Variants in PDE1A observed in about 807,000 individuals in gnomAD.
PDE1A encodes dual specificity calcium/calmodulin-dependent 3',5'-cyclic nucleotide phosphodiesterase 1A.
In PDE1A, 35 loss-of-function variants were observed where a neutral mutation model predicts 61.7. That is an observed-to-expected ratio of 0.57 (90% CI 0.43 to 0.75). PDE1A has a LOEUF of 0.75. Among genes scored for constraint, PDE1A ranks in the 30% least tolerant of loss-of-function variants. PDE1A has a pLI of 0.00. For missense variants in PDE1A, 597 were observed against 630.6 expected (o/e 0.95, Z 0.57); for synonymous variants, 232 against 213.2 (o/e 1.09, Z -0.77).
At chr2:182,372,785 G>C (rs1700187135) in intron 1 of PDE1A, among the ~76,000 whole-genome samples, 1 of 152,190 alleles carries the variant, frequency 6.6e-6, no homozygotes, top group South Asian at 2.1e-4. Context: ...GAGTGAGGCA[G>C]ACCAACGGTT....
chr2:182,174,937 C>T (rs563675895), intron 13 of PDE1A, among the ~76,000 whole-genome samples: 1 of 152,086 alleles, frequency 6.6e-6, no homozygotes, highest in Admixed American at 6.6e-5. Flanking sequence ...ATGTTCCCTT[C>T]CCTGTGTCCA....
chr2:182,242,517 C>T (rs1405711969), intron 2 of PDE1A, among the ~76,000 whole-genome samples: 1 of 152,088 alleles, frequency 6.6e-6, no homozygotes, highest in Non-Finnish European at 1.5e-5. Context: ...TTATGTGTCA[C>T]CATAGGTAGG....
chr2:182,552,664 C>T, the PDE1A span, among the ~76,000 whole-genome samples: 1 of 152,048 alleles, frequency 6.6e-6, no homozygotes, highest in East Asian at 1.9e-4. Context: ...CACTAAAATT[C>T]TAATTAGGCA....
the PDE1A span, among the ~76,000 whole-genome samples, chr2:182,701,263 C>T: frequency 6.6e-6 from 1 of 151,918 alleles, no homozygotes; most frequent in Admixed American, 6.6e-5. Context: ...TCTCGATCTC[C>T]TGACCTCGTG....
At chr2:182,332,036 T>A (rs1281976275) in intron 1 of PDE1A, among the ~76,000 whole-genome samples, 1 of 151,874 alleles carries the variant, frequency 6.6e-6, no homozygotes, top group Non-Finnish European at 1.5e-5. Flanking sequence ...TCTTGGCGGG[T>A]TTGTTCATTT....
chr2:182,386,964 T>G (rs959433910), intron 1 of PDE1A, among the ~76,000 whole-genome samples: 6 of 152,306 alleles, frequency 3.9e-5, no homozygotes, highest in Admixed American at 2.0e-4. Context: ...GACGGCGGTT[T>G]TGTGAAATAG....
intron 1 of PDE1A, among the ~76,000 whole-genome samples, chr2:182,319,341 G>T (rs1696557105): frequency 6.6e-6 from 1 of 152,086 alleles, no homozygotes; most frequent in Non-Finnish European, 1.5e-5. Flanking sequence ...GAACAAAAGA[G>T]ATTTTTAAAT....
chr2:182,146,245 G>A (rs1045645129), downstream of PDE1A, among the ~76,000 whole-genome samples: 5 of 152,122 alleles, frequency 3.3e-5, no homozygotes, highest in African/African-American at 9.7e-5. Flanking sequence ...TAATTTGGTA[G>A]ACTGAAAACA....
upstream of PDE1A, among the ~76,000 whole-genome samples, chr2:182,527,934 T>C (rs1690801612): frequency 6.6e-6 from 1 of 152,094 alleles, no homozygotes. Flanking sequence ...TTGTAAGGCC[T>C]CCCCAGCCAT....
intron 2 of PDE1A, among the ~76,000 whole-genome samples, chr2:182,482,103 C>T (rs562496371): frequency 6.0e-4 from 91 of 151,994 alleles, no homozygotes; most frequent in African/African-American, 2.1e-3. Context: ...TATTAACAGT[C>T]TGTATATTTT....
At chr2:182,464,272 A>G (rs1027974328) in intron 2 of PDE1A, among the ~76,000 whole-genome samples, 2 of 151,410 alleles carry the variant, frequency 1.3e-5, no homozygotes, top group African/African-American at 4.9e-5. Context: ...ACTTAGGACC[A>G]TTGTGACAGG....
At chr2:182,426,258 CTATT>C (rs1703616023) in intron 1 of PDE1A, among the ~76,000 whole-genome samples, 1 of 152,176 alleles carries the variant, frequency 6.6e-6, no homozygotes, top group African/African-American at 2.4e-5. Context: ...ACAACGTTTC[CTATT>C]TAGAGGGCTG....
At chr2:182,380,933 T>C (rs1455043772) in intron 1 of PDE1A, among the ~76,000 whole-genome samples, 1 of 152,192 alleles carries the variant, frequency 6.6e-6, no homozygotes, top group Non-Finnish European at 1.5e-5. Flanking sequence ...AGAAGTCAGA[T>C]ACAGGGCATA....
chr2:182,329,546 G>A (rs1697268499), intron 1 of PDE1A, among the ~76,000 whole-genome samples: 1 of 151,952 alleles, frequency 6.6e-6, no homozygotes, highest in African/African-American at 2.4e-5. Context: ...CCCGCCAGCA[G>A]CCCGAGCTAA....
At chr2:182,472,713 A>C (rs1335739334) in intron 2 of PDE1A, among the ~76,000 whole-genome samples, 1 of 151,880 alleles carries the variant, frequency 6.6e-6, no homozygotes, top group Non-Finnish European at 1.5e-5. Context: ...TATACAAATA[A>C]AAAAGCTCAT....
the PDE1A span, among the ~76,000 whole-genome samples, chr2:182,603,778 G>T: frequency 2.6e-5 from 4 of 152,092 alleles, no homozygotes; most frequent in African/African-American, 9.7e-5. Flanking sequence ...TTTAAAAAAA[G>T]AACTCAGGTC....
At chr2:182,567,876 T>C in the PDE1A span, among the ~76,000 whole-genome samples, 1 of 151,272 alleles carries the variant, frequency 6.6e-6, no homozygotes, top group Non-Finnish European at 1.5e-5. Context: ...CACTGCAACC[T>C]CTGCCTCCCG....
In PDE1A at chr2:182,317,888, G is replaced by C. The variant is rs539570005; in HGVS notation, c.54-53474C>G. On this transcript the variant is annotated intron_variant, in intron 1 of 13. Coordinates refer to ENST00000351439, the Ensembl canonical transcript of PDE1A. ...GGGGGAGAAAACAAATCACTTTTTT[G>C]TAAATATGCCTGACACTTTAAATAC... Among the ~76,000 whole-genome samples, 58 of 152,210 alleles carry C rather than the reference G, an allele frequency of 3.8e-4. 2 individuals are homozygous for C. The South Asian group carries it at 0.012, about 32-fold the overall frequency.
chr2:182,355,592 T>G (rs989521183), intron 1 of PDE1A, among the ~76,000 whole-genome samples: 1 of 152,018 alleles, frequency 6.6e-6, no homozygotes, highest in African/African-American at 2.4e-5. Context: ...GTGTGCCATA[T>G]CTCATCATAC....
Sources: gnomAD v4.1 joint callset for allele counts (sites outside exome capture counted in the v4.1 genomes callset) on GRCh38, gnomAD v4.1.1 for gene constraint, MANE v1.5 for transcripts, NCBI Gene and HGNC (gene_info 2026-07-23, HGNC 2026-07-21) for gene names.